EVI5: variants seen among roughly 807,000 people sequenced by gnomAD.
EVI5 encodes ecotropic viral integration site 5 protein homolog.
EVI5 carries 73 observed loss-of-function variants against 112.0 expected under a neutral mutation model. The observed-to-expected ratio is 0.65, with a 90% CI of 0.54 to 0.79. The LOEUF (loss-of-function observed/expected upper bound fraction) is 0.79, where lower values mean the gene tolerates loss of function less well. EVI5 is among the 30% of genes least tolerant of loss of function. The pLI is 0.00. For synonymous variants in EVI5, 305 were observed against 319.9 expected (o/e 0.95, Z 0.50); for missense variants, 900 against 968.8 (o/e 0.93, Z 0.94).
At chr1:92,577,311 AGAATATGCT>A (rs1324448149) in intron 18 of EVI5, among the ~76,000 whole-genome samples, 1 of 152,158 alleles carries the variant, frequency 6.6e-6, no homozygotes, top group Admixed American at 6.5e-5. Context: ...TTTTCACTTC[AGAATATGCT>A]GGTCTGATTT....
At chr1:92,569,727 G>A (rs1465550332) in intron 18 of EVI5, among the ~76,000 whole-genome samples, 1 of 151,632 alleles carries the variant, frequency 6.6e-6, no homozygotes, top group Non-Finnish European at 1.5e-5. Flanking sequence ...GGTGGCAGGC[G>A]CCTGTAATCC....
Position 92,781,414 on chromosome 1 carries a change from G to A in EVI5, c.-82+3422C>T, listed in dbSNP as rs533580482. Among the ~76,000 whole-genome samples the A allele has an allele frequency of 2.6e-5, 4 of 152,078 alleles. No individual in the cohort carries two copies. In the South Asian group the frequency reaches 8.3e-4, roughly 32 times the overall value. On this transcript the variant is annotated intron_variant, in intron 1 of 19. Coordinates refer to ENST00000684568, the MANE Select transcript of EVI5 (RefSeq NM_001350197.2). ...CGTAGTCACAGCTACTCAGGAGGCT[G>A]AGGTGGGAGGAATGCTTGAGCACAG... is the stretch of plus-strand genomic sequence containing the variant.
intron 19 of EVI5, among the ~76,000 whole-genome samples, chr1:92,548,297 G>A (rs966288378): frequency 3.9e-5 from 6 of 152,226 alleles, no homozygotes; most frequent in Admixed American, 2.0e-4. Context: ...AAATTCAACA[G>A]CCCTTCATGC....
intron 1 of EVI5, among the ~76,000 whole-genome samples, chr1:92,743,267 C>T (rs1193439394): frequency 2.0e-5 from 3 of 152,012 alleles, no homozygotes; most frequent in African/African-American, 4.8e-5. Flanking sequence ...GCAAGAGAAT[C>T]GCTTGAACCC....
At chr1:92,710,362 G>C (rs748910590) in intron 2 of EVI5, among the ~76,000 whole-genome samples, 1 of 151,678 alleles carries the variant, frequency 6.6e-6, no homozygotes, top group Non-Finnish European at 1.5e-5. Context: ...AAAAAGCAGG[G>C]GGGATGGTGG....
intron 18 of EVI5, among the ~76,000 whole-genome samples, chr1:92,591,214 A>G (rs1440205313): frequency 6.6e-6 from 1 of 152,206 alleles, no homozygotes; most frequent in Non-Finnish European, 1.5e-5. Context: ...ACTAACGAGC[A>G]AAATAACCAG....
intron 2 of EVI5, among the ~76,000 whole-genome samples, chr1:92,709,443 G>A (rs1672509891): frequency 6.6e-6 from 1 of 152,008 alleles, no homozygotes; most frequent in South Asian, 2.1e-4. Context: ...TTTTATTATT[G>A]TAAGCCCTTC....
At chr1:92,642,904 T>G (rs1431201487) in intron 13 of EVI5, among the ~76,000 whole-genome samples, 1 of 152,210 alleles carries the variant, frequency 6.6e-6, no homozygotes, top group African/African-American at 2.4e-5. Context: ...TATGATGAAC[T>G]AAACTGCATA....
intron 9 of EVI5, among the ~76,000 whole-genome samples, chr1:92,682,841 T>A (rs1558061880): frequency 2.0e-5 from 3 of 152,234 alleles, no homozygotes; most frequent in Non-Finnish European, 2.9e-5. Flanking sequence ...TCCTATGCCA[T>A]CCTGTGGTCT....
chr1:92,543,442 C>A (rs1041331283), intron 19 of EVI5, among the ~76,000 whole-genome samples: 7 of 152,226 alleles, frequency 4.6e-5, no homozygotes, highest in African/African-American at 1.7e-4. Context: ...AATGTTGTGG[C>A]TGGCTTGATC....
chr1:92,640,892 T>C (rs1022664236), intron 13 of EVI5, among the ~76,000 whole-genome samples: 4 of 152,218 alleles, frequency 2.6e-5, no homozygotes, highest in Non-Finnish European at 5.9e-5. Context: ...TGGAATACTA[T>C]GCAGCCATAA....
In EVI5 at chr1:92,668,478, T is replaced by C. The variant is rs930657624; in HGVS notation, c.1159-2486A>G. Among the ~76,000 whole-genome samples, 4 of 152,332 alleles carry C rather than the reference T, an allele frequency of 2.6e-5. No individual in the cohort carries two copies. In the South Asian group the frequency reaches 8.3e-4, roughly 32 times the overall value. On this transcript the variant is annotated intron_variant, in intron 10 of 19. Transcript: ENST00000684568. ...AGGTAATGTTTTATCTTAAAAGATTTAGAAAACTAAGTTCCCACCAGACAA... is the reference window on the plus strand; with the variant it reads ...AGGTAATGTTTTATCTTAAAAGATTCAGAAAACTAAGTTCCCACCAGACAA...
intron 17 of EVI5, among the ~76,000 whole-genome samples, chr1:92,606,886 TCACACACA>T (rs559617956): frequency 1.5e-5 from 1 of 66,340 alleles, no homozygotes; most frequent in African/African-American, 8.7e-5. Flanking sequence ...TTTAGTTATT[TCACACACA>T]CACACACACA....
At chr1:92,724,032 G>C (rs773537127) in intron 2 of EVI5, among the ~76,000 whole-genome samples, 2 of 152,134 alleles carry the variant, frequency 1.3e-5, no homozygotes, top group African/African-American at 2.4e-5. Flanking sequence ...TTCCTGTTAA[G>C]ATGTTTATCA....
In EVI5 at chr1:92,581,895, G is replaced by A. The variant is rs1006388589; in HGVS notation, c.2071-18158C>T. On this transcript the variant is annotated intron_variant, in intron 18 of 19. Coordinates refer to ENST00000684568, the MANE Select transcript of EVI5 (RefSeq NM_001350197.2). ...TTTTCTCCCTCCTAAAATTCATTCA[G>A]CAACTATTTGTTGAGCACCTGTGAT... is the stretch of plus-strand genomic sequence containing the variant. 1.6e-4 allele frequency among the ~76,000 whole-genome samples: 25 copies of A among 152,128 alleles called. 1 individual carries two copies. Among genetic ancestry groups the A allele is most frequent in the Non-Finnish European group, 1.5e-5 (1 of 68,018 alleles).
rs547812208 is a variant in EVI5 at position 92,667,950 on chromosome 1, T to C, written c.1159-1958A>G. Among the ~76,000 whole-genome samples the C allele has an allele frequency of 5.6e-4, 86 of 152,250 alleles. 1 individual carries two copies. Among genetic ancestry groups the C allele is most frequent in the Admixed American group, 5.4e-3 (83 of 15,288 alleles). ...AACTTACTTTTTTGTACCAATTTGT[T>C]CCAGAACTCAATCAAGGGCCTTCTT... is the stretch of plus-strand genomic sequence containing the variant. On this transcript the variant is annotated intron_variant, in intron 10 of 19. Coordinates refer to ENST00000684568, the MANE Select transcript of EVI5 (RefSeq NM_001350197.2).
At chr1:92,670,299 A>C (rs1302854929) in intron 10 of EVI5, among the ~76,000 whole-genome samples, 2 of 152,174 alleles carry the variant, frequency 1.3e-5, no homozygotes, top group Non-Finnish European at 2.9e-5. Flanking sequence ...CCCACTCTTC[A>C]ATCACTATTT....
intron 13 of EVI5, among the ~76,000 whole-genome samples, chr1:92,650,635 T>C (rs1454441997): frequency 1.3e-5 from 2 of 152,194 alleles, no homozygotes; most frequent in East Asian, 1.9e-4. Context: ...ATTGATATGG[T>C]TGGAATAAAA....
intron 18 of EVI5, among the ~76,000 whole-genome samples, chr1:92,576,429 T>C (rs1482954389): frequency 6.6e-6 from 1 of 152,192 alleles, no homozygotes; most frequent in East Asian, 1.9e-4. Flanking sequence ...TTCAGTGCTA[T>C]GAAGTCCAAA....
Sources: allele counts gnomAD v4.1 joint callset (sites outside exome capture counted in the v4.1 genomes callset), GRCh38; gene constraint gnomAD v4.1.1; transcripts MANE v1.5; gene names NCBI Gene and HGNC (gene_info 2026-07-23, HGNC 2026-07-21).